Variants in PDE3A observed in about 807,000 individuals in gnomAD.
PDE3A encodes phosphodiesterase 3A.
Under a neutral mutation model 98.3 loss-of-function variants are expected in PDE3A, and 43 were observed. That is an observed-to-expected ratio of 0.44 (90% CI 0.34 to 0.56). PDE3A has a LOEUF of 0.56. PDE3A is among the 20% of genes least tolerant of loss of function. The pLI is 0.01. For synonymous variants in PDE3A, 663 were observed against 567.9 expected (o/e 1.17, Z -2.38); for missense variants, 1,427 against 1,440.7 (o/e 0.99, Z 0.15).
At chr12:20,480,069 C>T (rs1945596670) in intron 1 of PDE3A, among the ~76,000 whole-genome samples, 1 of 152,112 alleles carries the variant, frequency 6.6e-6, no homozygotes, top group African/African-American at 2.4e-5. Context: ...TGAAGATGAG[C>T]TCATCTGTCC....
chr12:20,470,921 A>G (rs1276405605), intron 1 of PDE3A, among the ~76,000 whole-genome samples: 3 of 152,030 alleles, frequency 2.0e-5, no homozygotes, highest in Non-Finnish European at 4.4e-5. Flanking sequence ...AAGAGACACC[A>G]GAGAGCTTGA....
chr12:20,682,397 C>T lies in PDE3A; in HGVS notation c.*2126C>T, dbSNP rs953933158. On this transcript the variant is annotated 3_prime_UTR_variant, in exon 16 of 16. Coordinates refer to ENST00000359062, the MANE Select transcript of PDE3A (RefSeq NM_000921.5). ...GTTTCTCATAAATGGATATTGTACT[C>T]CCCCCTTTCAAAGCATTATTTTACA... 3 of 152,060 alleles carry T rather than the reference C, an allele frequency of 2.0e-5. No homozygotes were observed. Among genetic ancestry groups the T allele is most frequent in the African/African-American group, 7.2e-5 (3 of 41,392 alleles). 9.4% of individuals were successfully genotyped at this position (152,060 alleles called of 1,614,324 possible).
chr12:20,474,281 T>C (rs1312388000), intron 1 of PDE3A, among the ~76,000 whole-genome samples: 2 of 152,218 alleles, frequency 1.3e-5, no homozygotes, highest in African/African-American at 2.4e-5. Flanking sequence ...TGTTGGTTTG[T>C]CTTCGTATTA....
chr12:20,489,148 G>C (rs1016334617), intron 1 of PDE3A, among the ~76,000 whole-genome samples: 1 of 152,156 alleles, frequency 6.6e-6, no homozygotes, highest in African/African-American at 2.4e-5. Flanking sequence ...GTTAAGTATA[G>C]ATTTTTACTT....
At chr12:20,616,182 T>C in intron 3 of PDE3A, 48 bp from the exon 4 acceptor site, 1 of 1,539,750 alleles carries the variant, frequency 6.5e-7, no homozygotes, top group South Asian at 1.2e-5. Context: ...ACATAAAATT[T>C]AAGAGATATA....
intron 1 of PDE3A, among the ~76,000 whole-genome samples, chr12:20,396,062 A>T (rs896327461): frequency 1.9e-4 from 29 of 152,090 alleles, no homozygotes; most frequent in African/African-American, 6.8e-4. Context: ...CACTTGGCCT[A>T]TTCTTCCATA....
At chr12:20,604,038 G>C (rs1450812361) in intron 2 of PDE3A, among the ~76,000 whole-genome samples, 1 of 152,016 alleles carries the variant, frequency 6.6e-6, no homozygotes, top group Non-Finnish European at 1.5e-5. Flanking sequence ...GCATGGTGGC[G>C]CATGCCTGGG....
intron 2 of PDE3A, among the ~76,000 whole-genome samples, chr12:20,591,516 G>A (rs1004501350): frequency 6.6e-6 from 1 of 152,338 alleles, no homozygotes. Context: ...GTAGCCACAG[G>A]AGTGGCTTCA....
intron 1 of PDE3A, among the ~76,000 whole-genome samples, chr12:20,458,316 G>GT (rs562204702): frequency 5.4e-5 from 8 of 148,420 alleles, no homozygotes; most frequent in African/African-American, 1.5e-4. Flanking sequence ...CTATTTCCTT[G>GT]TTTTTTCAAG....
chr12:20,626,942 C>T (rs1442254502), intron 5 of PDE3A, among the ~76,000 whole-genome samples: 4 of 152,034 alleles, frequency 2.6e-5, no homozygotes, highest in Admixed American at 1.3e-4. Context: ...TTAGTTAATC[C>T]GTGAGTTCCA....
At chr12:20,559,228 G>A (rs146901977) in intron 2 of PDE3A, among the ~76,000 whole-genome samples, 24 of 152,134 alleles carry the variant, frequency 1.6e-4, no homozygotes, top group African/African-American at 5.1e-4. Flanking sequence ...ACAGTGACAT[G>A]CTGCACAGAT....
chr12:20,505,127 A>G (rs1946092815), intron 1 of PDE3A, among the ~76,000 whole-genome samples: 1 of 152,134 alleles, frequency 6.6e-6, no homozygotes, highest in East Asian at 1.9e-4. Context: ...TTTAGATTTC[A>G]TTCCAAATGT....
chr12:20,673,042 C>T (rs1731681371), intron 15 of PDE3A, among the ~76,000 whole-genome samples: 1 of 151,826 alleles, frequency 6.6e-6, no homozygotes, highest in Non-Finnish European at 1.5e-5. Context: ...GGGCGAAGGA[C>T]ATGAACAGAC....
At chr12:20,592,350 G>A (rs1362046253) in intron 2 of PDE3A, among the ~76,000 whole-genome samples, 2 of 151,596 alleles carry the variant, frequency 1.3e-5, no homozygotes, top group Admixed American at 6.6e-5. Context: ...TTCTTTAAAG[G>A]TATAAATTGT....
At chr12:20,517,743 C>A (rs139253604) in intron 1 of PDE3A, among the ~76,000 whole-genome samples, 1 of 152,154 alleles carries the variant, frequency 6.6e-6, no homozygotes, top group Non-Finnish European at 1.5e-5. Flanking sequence ...GTCAGTAGGT[C>A]AGGGAAATGT....
At chr12:20,539,594 G>T (rs887292834) in intron 1 of PDE3A, among the ~76,000 whole-genome samples, 4 of 152,132 alleles carry the variant, frequency 2.6e-5, no homozygotes, top group Non-Finnish European at 4.4e-5. Context: ...CTAATACCAT[G>T]CTTGGTGCAG....
chr12:20,594,161 T>C (rs1030263226), intron 2 of PDE3A, among the ~76,000 whole-genome samples: 3 of 150,422 alleles, frequency 2.0e-5, no homozygotes, highest in African/African-American at 7.4e-5. Context: ...GGTTAGCTCC[T>C]TAGAGATGGG....
chr12:20,415,467 C>T (rs1487642817), intron 1 of PDE3A, among the ~76,000 whole-genome samples: 6 of 151,438 alleles, frequency 4.0e-5, no homozygotes, highest in South Asian at 2.1e-4. Context: ...CTTCCCAGAC[C>T]GGAGTGCAGT....
At chr12:20,472,947 T>C (rs6487094) in intron 1 of PDE3A, among the ~76,000 whole-genome samples, 111,821 of 151,584 alleles carry the variant, frequency 0.74, 41,669 homozygotes, top group East Asian at 0.98. Flanking sequence ...TAAATCTGTT[T>C]GAATTAACAT....
Sources: allele counts gnomAD v4.1 joint callset (sites outside exome capture counted in the v4.1 genomes callset), GRCh38; gene constraint gnomAD v4.1.1; transcripts MANE v1.5; gene names NCBI Gene and HGNC (gene_info 2026-07-23, HGNC 2026-07-21).